The following CYB5R2 variants were observed in gnomAD, a reference collection of about 807,000 sequenced individuals.
The protein encoded by CYB5R2 is cytochrome b5 reductase 2.
Under a neutral mutation model 29.8 loss-of-function variants are expected in CYB5R2, and 35 were observed. The observed-to-expected ratio is 1.17, with a 90% CI of 0.90 to 1.56. The LOEUF is 1.56. Among genes scored for constraint, CYB5R2 ranks in the 40% most tolerant of loss-of-function variants. The probability of loss-of-function intolerance (pLI) is 0.00; values close to 1 mark genes in which losing one functional copy is unlikely to be tolerated. For missense variants in CYB5R2, 419 were observed against 346.7 expected (o/e 1.21, Z -1.66); for synonymous variants, 169 against 130.6 (o/e 1.29, Z -2.01).
At chr11:7,670,111 A>C (rs1855634381) in intron 3 of CYB5R2, 1 of 201,638 alleles carries the variant, frequency 5.0e-6, no homozygotes, top group Non-Finnish European at 1.0e-5. Flanking sequence ...CTGTAATCCC[A>C]GCCCAGAGGC....
At position 7,666,481 on chromosome 11, in the gene CYB5R2, G is replaced by A; in HGVS notation, c.628C>T (p.Leu210=). 1 of 1,613,218 alleles carries A rather than the reference G, an allele frequency of 6.2e-7. No individual in the cohort carries two copies. Among genetic ancestry groups the A allele is most frequent in the Non-Finnish European group, 8.5e-7 (1 of 1,179,350 alleles). The part of the protein sequence containing the change: ...IARTHPDQFN[L]WYTLDRPPIG... ...GGAGGCCTGTCCAGGGTGTACCACA[G>A]GTTGAACTGGTCTGGGTGAGTCCTG... The change falls in exon 8 of 9, where the codon CTG becomes TTG. Residue 210 remains leucine, a synonymous_variant. Coordinates refer to ENST00000299498, the MANE Select transcript of CYB5R2 (RefSeq NM_016229.5).
chr11:7,669,223 A>G lies in CYB5R2; in HGVS notation c.370T>C (p.Leu124=), dbSNP rs145877593. ...TIFFRGPRGR[L]FYHGPGNLGI... Reference sequence around the variant, plus strand: ...CCAGTACCTGGCCCATGGTAAAACAAGCGTCCCCTTGGCCCTCGAAAAAAG... The same window carrying G: ...CCAGTACCTGGCCCATGGTAAAACAGGCGTCCCCTTGGCCCTCGAAAAAAG... Residue 124 remains leucine, a synonymous_variant, in exon 5 of 9, where the codon TTG becomes CTG. Transcript: ENST00000299498. The G allele has an allele frequency of 3.7e-5, 60 of 1,614,120 alleles. 1 individual carries two copies. The African/African-American group carries it at 7.6e-4, about 20-fold the overall frequency.
chr11:7,673,342 A>T (rs573865726), intron 1 of CYB5R2, 77 bp downstream of exon 1: 63 of 1,028,142 alleles, frequency 6.1e-5, no homozygotes, highest in Non-Finnish European at 7.2e-5. Context: ...ACTCCCCAAC[A>T]GTCTCCTGGA....
chr11:7,672,390 AAG>A, intron 3 of CYB5R2, 59 bp downstream of exon 3: 4 of 1,446,184 alleles, frequency 2.8e-6, no homozygotes, highest in South Asian at 1.2e-5. Flanking sequence ...TGTTTCTGTT[AAG>A]AGAGGAGGGC....
intron 6 of CYB5R2, 80 bp downstream of exon 6, chr11:7,668,398 C>T: frequency 9.2e-7 from 1 of 1,089,002 alleles, no homozygotes; most frequent in Non-Finnish European, 1.4e-6. Context: ...TCATGTTGTC[C>T]CTTAGAGGAT....
intron 1 of CYB5R2, 23 bp downstream of exon 1, chr11:7,673,396 A>G: frequency 1.0e-6 from 1 of 997,942 alleles, no homozygotes; most frequent in South Asian, 4.4e-5. Flanking sequence ...GAGACTCGGG[A>G]GCCTCCCCGC....
intron 7 of CYB5R2, chr11:7,666,763 C>T (rs1356149413): frequency 6.6e-6 from 3 of 453,800 alleles, no homozygotes; most frequent in African/African-American, 2.0e-5. Flanking sequence ...GGATGAAGAA[C>T]CTCCATGGGA....
At chr11:7,667,678 C>T (rs1283573627) in intron 7 of CYB5R2, 50 bp downstream of exon 7, 1 of 1,500,134 alleles carries the variant, frequency 6.7e-7, no homozygotes, top group Admixed American at 1.7e-5. Flanking sequence ...AACAAGAGCC[C>T]AGCTCAGCAA....
chr11:7,666,488 C>A lies in CYB5R2; in HGVS notation c.621G>T (p.Gln207His), dbSNP rs779012318. ...LEEIARTHPD[Q>H]FNLWYTLDRP... is the part of the protein sequence containing the mutation. ...TGTCCAGGGTGTACCACAGGTTGAA[C>A]TGGTCTGGGTGAGTCCTGGCAATTT... is the stretch of plus-strand genomic sequence containing the variant. The change falls in exon 8 of 9, where the codon CAG (glutamine) becomes CAT (histidine). Residue 207 changes from glutamine (Q) to histidine (H), a missense_variant. Transcript: ENST00000299498. 8 of 1,613,518 alleles carry A rather than the reference C, an allele frequency of 5.0e-6. No homozygotes were observed. Among genetic ancestry groups the A allele is most frequent in the Non-Finnish European group, 6.8e-6 (8 of 1,179,556 alleles).
upstream of CYB5R2, chr11:7,673,905 C>G (rs902349497): frequency 3.3e-5 from 33 of 998,898 alleles, no homozygotes; most frequent in Non-Finnish European, 3.9e-5. Context: ...ACCCCGGCGG[C>G]TGGCCCGCTC....
intron 5 of CYB5R2, chr11:7,668,982 G>A (rs751721925): frequency 2.2e-5 from 15 of 680,716 alleles, no homozygotes; most frequent in Non-Finnish European, 4.0e-5. Context: ...TTGATACAAT[G>A]ACGAGGAAAC....
chr11:7,672,474 T>G lies in CYB5R2; in HGVS notation c.128A>C (p.Asp43Ala). The change falls in exon 3 of 9, where the codon GAC becomes GCC. Residue 43 changes from aspartate to alanine, a missense_variant. Asp to Ala is a moderately radical substitution (Grantham distance 126, BLOSUM62 -2). Transcript: ENST00000299498. ...RRFRFGLPSP[D>A]HVLGLPVGNY... ...ACCTACAGGAAGCCCTAAGACATGG[T>G]CCGGCGAAGGCAGTCCAAAGCGGAA... 6.2e-7 allele frequency: 1 copy of G among 1,614,180 alleles called. No homozygotes were observed. Among genetic ancestry groups the G allele is most frequent in the Non-Finnish European group, 8.5e-7 (1 of 1,180,032 alleles).
intron 7 of CYB5R2, 166 bp downstream of exon 7, chr11:7,667,562 T>C: frequency 1.5e-6 from 1 of 664,412 alleles, no homozygotes; most frequent in Non-Finnish European, 2.7e-6. Context: ...AAAGCAGGCC[T>C]GGACTCAGCT....
At chr11:7,666,132 T>C in intron 8 of CYB5R2, 2 of 609,352 alleles carry the variant, frequency 3.3e-6, no homozygotes, top group Admixed American at 2.8e-5. Context: ...TCAGTGCCCA[T>C]ATTAGATGTG....
At chr11:7,669,765 A>T (rs1855613042) in intron 3 of CYB5R2, 34 bp from the exon 4 acceptor site, 2 of 1,488,580 alleles carry the variant, frequency 1.3e-6, no homozygotes, top group Non-Finnish European at 1.9e-6. Context: ...GAGTCAAAGC[A>T]TATTTAGCTT....
chr11:7,674,100 CCCT>C, upstream of CYB5R2: 1 of 1,203,762 alleles, frequency 8.3e-7, no homozygotes, highest in Non-Finnish European at 1.1e-6. Context: ...CACTGAGCGC[CCCT>C]CAGCTTACTT....
chr11:7,667,772 C>A lies in CYB5R2; in HGVS notation c.514G>T (p.Asp172Tyr), dbSNP rs774227136. The change falls in exon 7 of 9, where the codon GAC becomes TAC. Residue 172 changes from aspartate (D) to tyrosine (Y), a missense_variant. Physicochemically the swap from Asp to Tyr is radical, Grantham distance 160 (BLOSUM62 -3). Transcript: ENST00000299498. ...MLQLIRHITK[D>Y]PSDRTRMSLI... ...GACATCCTGGTCCTGTCACTGGGGTCCTTGGTGATGTGGCGAATGAGCTGC... is the reference window on the plus strand; with the variant it reads ...GACATCCTGGTCCTGTCACTGGGGTACTTGGTGATGTGGCGAATGAGCTGC... 3 of 1,614,202 alleles carry A rather than the reference C, an allele frequency of 1.9e-6. No homozygotes were observed. The highest frequency in any genetic ancestry group is 1.1e-5 in the South Asian group (1 of 91,074).
Position 7,668,485 on chromosome 11 carries a change from C to A in CYB5R2, c.465G>T (p.Gly155=). 1 of 1,613,846 alleles carries A rather than the reference C, an allele frequency of 6.2e-7. No individual in the cohort carries two copies. The highest frequency in any genetic ancestry group is 8.5e-7 in the Non-Finnish European group (1 of 1,179,692). The change falls in exon 6 of 9, where the codon GGG becomes GGT. Residue 155 remains glycine (G), a synonymous_variant. Transcript: ENST00000299498. ...CCCCTAGAAGCCTCTTACCTGTGCC[C>A]CCAGCAATCATTCCCAGGTGATCGG... The part of the protein sequence containing the change: ...TLADHLGMIA[G]GTGITPMLQL...
intron 1 of CYB5R2, 141 bp from the exon 2 acceptor site, chr11:7,673,032 T>G: frequency 1.2e-6 from 1 of 809,400 alleles, no homozygotes; most frequent in Non-Finnish European, 1.9e-6. Flanking sequence ...AGAACAGTAG[T>G]GACACAGAAG....
Sources: allele counts gnomAD v4.1 joint callset, GRCh38; gene constraint gnomAD v4.1.1; transcripts MANE v1.5; gene names NCBI Gene and HGNC (gene_info 2026-07-23, HGNC 2026-07-21).